Variants in PLEKHA6 observed in about 807,000 individuals in gnomAD.
The protein encoded by PLEKHA6 is pleckstrin homology domain containing A6.
A neutral mutation model predicts 116.7 loss-of-function variants in PLEKHA6; 60 were observed. The ratio of observed to expected loss-of-function variants is 0.51; its 90% CI spans 0.42 to 0.64. The LOEUF is 0.64. PLEKHA6 is among the 30% of genes least tolerant of loss of function. The pLI, the probability that PLEKHA6 is intolerant of heterozygous loss-of-function variation, is 0.00. For missense variants in PLEKHA6, 1,338 were observed against 1,422.7 expected, an observed-to-expected ratio of 0.94 and a Z score of 0.96; for synonymous variants, 489 against 556.1, an observed-to-expected ratio of 0.88 and a Z score of 1.70.
chr1:204,244,500 T>C (rs1181746075), intron 15 of PLEKHA6, among the ~76,000 whole-genome samples: 2 of 152,070 alleles, frequency 1.3e-5, no homozygotes, highest in Admixed American at 1.3e-4. Context: ...CAGAAAACAC[T>C]TGCTGATTGA....
chr1:204,228,616 C>A lies in PLEKHA6; in HGVS notation c.2885+112G>T. The A allele has an allele frequency of 1.0e-6, 1 of 978,158 alleles. No individual in the cohort carries two copies. The highest frequency in any genetic ancestry group is 1.5e-5 in the South Asian group (1 of 67,668). The allele number at this position is 978,158 out of a possible 1,614,324, so 60.6% of individuals were successfully genotyped here. A position where few individuals can be genotyped will look rare whatever the true frequency, so the allele number is the denominator to read the frequency against. On this transcript the variant is annotated intron_variant, in intron 20 of 22. Coordinates refer to ENST00000272203, the MANE Select transcript of PLEKHA6 (RefSeq NM_014935.5). The surrounding 1 kb of genome is among the most constrained non-coding windows in gnomAD (Gnocchi z 4.0). ...CCTGTCTGCTGCCTGGAGTCACCAC[C>A]TCGATGTGCTCTCCCCTGGGGAGGC...
intron 1 of PLEKHA6, among the ~76,000 whole-genome samples, chr1:204,322,155 G>A (rs1228953103): frequency 6.6e-6 from 1 of 152,146 alleles, no homozygotes; most frequent in East Asian, 1.9e-4. Context: ...GAGAGGTTAG[G>A]AAGCTTTCTT....
At position 204,228,210 on chromosome 1, in the gene PLEKHA6, G is replaced by A; in HGVS notation, c.2904C>T (p.Pro968=). The change falls in exon 21 of 23, where the codon CCC becomes CCT. Residue 968 remains proline, a synonymous_variant. Coordinates refer to ENST00000272203, the MANE Select transcript of PLEKHA6 (RefSeq NM_014935.5). The surrounding 1 kb of genome is among the most constrained non-coding windows in gnomAD (Gnocchi z 4.0). ...CGTCCACAGAGTCCCCCTCGCCGATGGGCACCACGTTCTGCATACTGAAGA... is the reference window on the plus strand; with the variant it reads ...CGTCCACAGAGTCCCCCTCGCCGATAGGCACCACGTTCTGCATACTGAAGA... ...IAKSSMQNVV[P]IGEGDSVDVP... 2.5e-6 allele frequency: 4 copies of A among 1,608,814 alleles called. No homozygotes were observed. The highest frequency in any genetic ancestry group is 2.7e-5 in the African/African-American group (2 of 74,938).
intron 1 of PLEKHA6, among the ~76,000 whole-genome samples, chr1:204,280,760 G>T (rs1668514073): frequency 6.6e-6 from 1 of 152,128 alleles, no homozygotes; most frequent in South Asian, 2.1e-4. Context: ...TCCCCATCTG[G>T]ATCTCATCAT....
rs1400775386 is a variant in PLEKHA6 at position 204,228,794 on chromosome 1, C to G, written c.2819G>C (p.Ser940Thr). ...CTGCTTCTCCTTCAACTCCTCAGGG[C>G]TCAGGGGAGTGTCAGGCTCCAGGTC... ...YIDLEPDTPL[S>T]PEELKEKQKK... Residue 940 changes from serine to threonine, a missense_variant, in exon 20 of 23, where the codon AGC becomes ACC. Physicochemically the swap from Ser to Thr is moderately conservative, Grantham distance 58. Transcript: ENST00000272203. The surrounding 1 kb of genome is among the most constrained non-coding windows in gnomAD (Gnocchi z 4.0). The G allele has an allele frequency of 6.2e-7, 1 of 1,613,994 alleles. No homozygotes were observed. The highest frequency in any genetic ancestry group is 8.5e-7 in the Non-Finnish European group (1 of 1,179,904).
chr1:204,249,685 C>G (rs1437538363), intron 10 of PLEKHA6, among the ~76,000 whole-genome samples: 1 of 152,264 alleles, frequency 6.6e-6, no homozygotes, highest in East Asian at 1.9e-4. Context: ...AACCTTCTCC[C>G]TTCTCTCTCA....
chr1:204,358,988 G>A (rs947145877), intron 1 of PLEKHA6, among the ~76,000 whole-genome samples: 6 of 142,778 alleles, frequency 4.2e-5, no homozygotes, highest in African/African-American at 1.6e-4. Context: ...TCCCCCAACT[G>A]TCCTCCTTTC....
intron 1 of PLEKHA6, among the ~76,000 whole-genome samples, chr1:204,296,109 T>C (rs1374400671): frequency 2.6e-5 from 4 of 152,092 alleles, no homozygotes; most frequent in Admixed American, 6.5e-5. Context: ...CTGGAGCTTA[T>C]ACAATTTGTG....
chr1:204,370,980 G>A (rs1301745555), intron 2 of PLEKHA6, among the ~76,000 whole-genome samples: 1 of 151,426 alleles, frequency 6.6e-6, no homozygotes, highest in East Asian at 1.9e-4. Context: ...CTTGAACCCG[G>A]GAGGCAGAGG....
chr1:204,357,556 G>A (rs1003866228), intron 1 of PLEKHA6, among the ~76,000 whole-genome samples: 6 of 152,180 alleles, frequency 3.9e-5, no homozygotes, highest in Non-Finnish European at 7.3e-5. Context: ...GAGCCCGTTC[G>A]CCTCACCCCA....
chr1:204,226,199 C>T (rs369212164), intron 21 of PLEKHA6, among the ~76,000 whole-genome samples: 29 of 152,176 alleles, frequency 1.9e-4, no homozygotes, highest in African/African-American at 6.3e-4. Flanking sequence ...AGGCCAGGGG[C>T]GGTGGGAACA....
chr1:204,255,052 CCT>C (rs1266809148), intron 9 of PLEKHA6, among the ~76,000 whole-genome samples: 1 of 152,140 alleles, frequency 6.6e-6, no homozygotes, highest in East Asian at 1.9e-4. Flanking sequence ...GATAATACTC[CCT>C]CTGTTTGCAC....
chr1:204,338,887 G>T (rs1672748237), intron 1 of PLEKHA6, among the ~76,000 whole-genome samples: 1 of 152,208 alleles, frequency 6.6e-6, no homozygotes, highest in East Asian at 1.9e-4. Flanking sequence ...GTCTTCAAGA[G>T]TGGAAGACCA....
At chr1:204,243,432 C>G (rs2102575582) in intron 15 of PLEKHA6, among the ~76,000 whole-genome samples, 1 of 152,282 alleles carries the variant, frequency 6.6e-6, no homozygotes, top group African/African-American at 2.4e-5. Flanking sequence ...AGCTCTGAAG[C>G]CAACTCTCTG....
Position 204,374,454 on chromosome 1 carries a change from G to A in PLEKHA6, c.84-2848C>T, listed in dbSNP as rs1283475810. On this transcript the variant is annotated intron_variant, in intron 1 of 4. Transcript: ENST00000564627. Reference sequence around the variant, plus strand: ...AATGAAGAAAAAATAGAAAAGATTAGGTGGGAGCTTTCCCAGTATGCCCAA... The same window carrying A: ...AATGAAGAAAAAATAGAAAAGATTAAGTGGGAGCTTTCCCAGTATGCCCAA... 1.3e-5 allele frequency among the ~76,000 whole-genome samples: 2 copies of A among 152,130 alleles called. 1 individual carries two copies. The highest frequency in any genetic ancestry group is 1.3e-4 in the Admixed American group (2 of 15,276).
intron 1 of PLEKHA6, among the ~76,000 whole-genome samples, chr1:204,303,357 C>A (rs1221416281): frequency 1.3e-5 from 2 of 152,128 alleles, no homozygotes; most frequent in African/African-American, 4.8e-5. Flanking sequence ...TAGGAGGGCT[C>A]TTATTTCAGG....
intron 1 of PLEKHA6, among the ~76,000 whole-genome samples, chr1:204,307,684 C>A (rs558894569): frequency 6.5e-4 from 99 of 152,372 alleles, no homozygotes; most frequent in Non-Finnish European, 1.2e-3. Flanking sequence ...GTTCCCCTCA[C>A]TCCCTACCCC....
chr1:204,240,962 T>C (rs1662722058), intron 17 of PLEKHA6, among the ~76,000 whole-genome samples: 1 of 152,186 alleles, frequency 6.6e-6, no homozygotes, highest in East Asian at 1.9e-4. Flanking sequence ...GCCTACATTT[T>C]TCTCCCGTGC....
In PLEKHA6 at chr1:204,241,739, G is replaced by A; in HGVS notation, c.2248C>T (p.Leu750Phe). ...LPLDTPRDISLVPTRQEVEAE... is the reference protein window; with the variant it reads ...LPLDTPRDISFVPTRQEVEAE... ...TCTACCTCTTGCCTGGTGGGCACAA[G>A]GCTGATGTCTCTGGGGGTGTCCAGG... The change falls in exon 16 of 23, where the codon CTT becomes TTT. Residue 750 changes from leucine to phenylalanine, a missense_variant. Physicochemically the swap from Leu to Phe is conservative, Grantham distance 22. Coordinates refer to ENST00000272203, the MANE Select transcript of PLEKHA6 (RefSeq NM_014935.5). 1 of 1,613,472 alleles carries A rather than the reference G, an allele frequency of 6.2e-7. No homozygotes were observed. The highest frequency in any genetic ancestry group is 8.5e-7 in the Non-Finnish European group (1 of 1,179,834).
Sources: gnomAD v4.1 joint callset for allele counts (sites outside exome capture counted in the v4.1 genomes callset) on GRCh38, gnomAD v4.1.1 for gene constraint, Gnocchi (gnomAD v3.1) non-coding constraint, MANE v1.5 for transcripts, NCBI Gene and HGNC (gene_info 2026-07-23, HGNC 2026-07-21) for gene names.